Variants in OSBPL9 observed in about 807,000 individuals in gnomAD.
OSBPL9 encodes the protein oxysterol binding protein like 9, also known as oxysterol-binding protein-related protein 9.
Under a neutral mutation model 106.6 loss-of-function variants are expected in OSBPL9, and 40 were observed. The ratio of observed to expected loss-of-function variants is 0.38; its 90% CI spans 0.29 to 0.49. The LOEUF (loss-of-function observed/expected upper bound fraction) is 0.49, where lower values mean the gene tolerates loss of function less well. OSBPL9 is among the 20% of genes least tolerant of loss of function. OSBPL9 has a pLI of 0.97. For missense variants in OSBPL9, 609 were observed against 887.2 expected (o/e 0.69, Z 3.98); for synonymous variants, 269 against 295.4 (o/e 0.91, Z 0.92).
the OSBPL9 span, chr1:51,519,096 A>C: frequency 1.3e-6 from 1 of 768,212 alleles, no homozygotes; most frequent in Non-Finnish European, 1.9e-6. Flanking sequence ...ACAAGCCAAG[A>C]AGCTGCCTGC....
At chr1:51,775,603 CATTTATTT>C (rs564959096) in intron 14 of OSBPL9, among the ~76,000 whole-genome samples, 2 of 151,920 alleles carry the variant, frequency 1.3e-5, no homozygotes, top group East Asian at 1.9e-4. Flanking sequence ...AGCTTGCTTG[CATTTATTT>C]ATTTATTTAT....
intron 12 of OSBPL9, 66 bp from the exon 13 acceptor site, chr1:51,772,004 A>G (rs530162705): frequency 2.5e-4 from 297 of 1,174,408 alleles, no homozygotes; most frequent in Non-Finnish European, 3.5e-4. Flanking sequence ...TAACTGTACG[A>G]GTCTAGCTTA....
rs1012484479 is a variant in OSBPL9 at position 51,782,721 on chromosome 1, T to C, written c.1513+78T>C. On this transcript the variant is annotated intron_variant, in intron 17 of 23. Transcript: ENST00000428468. The stretch of plus-strand genomic sequence containing the variant: ...AGAGGGTCATTAAAAGCGCCATAGC[T>C]GAGGGTACTGTCAGTTGTGTGACTA... 5 of 1,262,416 alleles carry C rather than the reference T, an allele frequency of 4.0e-6. No homozygotes were observed. In the African/African-American group the frequency reaches 5.9e-5, roughly 15 times the overall value. The allele number at this position is 1,262,416 out of a possible 1,614,324, so 78.2% of individuals were successfully genotyped here. A position where few individuals can be genotyped will look rare whatever the true frequency, so the allele number is the denominator to read the frequency against.
intron 1 of OSBPL9, among the ~76,000 whole-genome samples, chr1:51,620,187 A>G (rs549084789): frequency 1.3e-5 from 2 of 152,348 alleles, no homozygotes; most frequent in African/African-American, 4.8e-5. Flanking sequence ...TAGGAACACT[A>G]TGTGAGCAAC....
chr1:51,728,445 G>T (rs936699518), intron 4 of OSBPL9, among the ~76,000 whole-genome samples: 4 of 152,162 alleles, frequency 2.6e-5, no homozygotes, highest in African/African-American at 9.7e-5. Flanking sequence ...ACAGAACTTG[G>T]TGATGCACTG....
At chr1:51,578,426 TATC>T (rs1462455017) in intron 1 of OSBPL9, among the ~76,000 whole-genome samples, 1 of 152,220 alleles carries the variant, frequency 6.6e-6, no homozygotes, top group Admixed American at 6.5e-5. Flanking sequence ...AGGAGAATAA[TATC>T]ATATGATTAA....
At chr1:51,613,599 G>A (rs1177240199), upstream of OSBPL9, among the ~76,000 whole-genome samples, 4 of 152,022 alleles carry the variant, frequency 2.6e-5, no homozygotes, top group Admixed American at 2.6e-4. Context: ...AATAAATGGT[G>A]GAATTAATAA....
At chr1:51,609,596 A>C (rs943868617) in intron 2 of OSBPL9, among the ~76,000 whole-genome samples, 8 of 148,330 alleles carry the variant, frequency 5.4e-5, no homozygotes, top group Non-Finnish European at 1.0e-4. Context: ...CTCCTGCCTC[A>C]TGCCTCAACC....
At chr1:51,621,028 TATTATAGAAA>T (rs1644395132) in intron 1 of OSBPL9, among the ~76,000 whole-genome samples, 1 of 152,138 alleles carries the variant, frequency 6.6e-6, no homozygotes, top group African/African-American at 2.4e-5. Context: ...GTGCCCAGCC[TATTATAGAAA>T]ATTTTTAACA....
At chr1:51,694,065 C>T (rs1389685970) in intron 3 of OSBPL9, among the ~76,000 whole-genome samples, 1 of 152,156 alleles carries the variant, frequency 6.6e-6, no homozygotes, top group East Asian at 1.9e-4. Flanking sequence ...AGTTCCCAGA[C>T]TTTTTGGTCT....
At chr1:51,549,265 CT>C in the OSBPL9 span, among the ~76,000 whole-genome samples, 4 of 152,168 alleles carry the variant, frequency 2.6e-5, no homozygotes, top group Non-Finnish European at 5.9e-5. Flanking sequence ...CTTGTGCATT[CT>C]TTTTTGTTTT....
At chr1:51,532,551 G>A in the OSBPL9 span, among the ~76,000 whole-genome samples, 5 of 152,228 alleles carry the variant, frequency 3.3e-5, no homozygotes, top group Admixed American at 3.3e-4. Flanking sequence ...AATGTAGTAT[G>A]ATTCCCAGGT....
At chr1:51,574,111 A>C (rs1452085459), upstream of OSBPL9, 1 of 152,208 alleles carries the variant, frequency 6.6e-6, no homozygotes, top group Non-Finnish European at 1.5e-5. Context: ...AATACTGACC[A>C]AGACTTACAG....
the OSBPL9 span, among the ~76,000 whole-genome samples, chr1:51,556,503 A>G: frequency 6.6e-6 from 1 of 152,066 alleles, no homozygotes; most frequent in East Asian, 1.9e-4. Flanking sequence ...GTAGGGTGCT[A>G]TGAGTAGTGG....
chr1:51,733,666 T>C lies in OSBPL9; in HGVS notation c.319-11870T>C, dbSNP rs1288954329. Among the ~76,000 whole-genome samples, 5 of 152,004 alleles carry C rather than the reference T, an allele frequency of 3.3e-5. No homozygotes were observed. The East Asian group carries it at 9.6e-4, about 29-fold the overall frequency. ...GGTGGGCATCTGTAAGCCCAGCCAC[T>C]TGGGGGGCTGAGGCAGGAGAATTGC... On this transcript the variant is annotated intron_variant, in intron 4 of 23. Coordinates refer to ENST00000428468, the MANE Select transcript of OSBPL9 (RefSeq NM_024586.6).
At chr1:51,658,812 C>A (rs1449900223) in intron 2 of OSBPL9, among the ~76,000 whole-genome samples, 1 of 151,912 alleles carries the variant, frequency 6.6e-6, no homozygotes, top group East Asian at 1.9e-4. Context: ...GAATGTCTTC[C>A]TTTTTCCCTT....
At chr1:51,546,928 G>A in the OSBPL9 span, among the ~76,000 whole-genome samples, 1 of 152,144 alleles carries the variant, frequency 6.6e-6, no homozygotes, top group Non-Finnish European at 1.5e-5. Context: ...GATGCCCAAA[G>A]TACCACAGAA....
At chr1:51,535,505 T>G in the OSBPL9 span, among the ~76,000 whole-genome samples, 1 of 152,176 alleles carries the variant, frequency 6.6e-6, no homozygotes, top group Non-Finnish European at 1.5e-5. Context: ...TAAAGAGTTA[T>G]CTCCATACTG....
chr1:51,635,432 A>T (rs1011726039), intron 1 of OSBPL9, among the ~76,000 whole-genome samples: 1 of 152,202 alleles, frequency 6.6e-6, no homozygotes, highest in African/African-American at 2.4e-5. Flanking sequence ...ACCTCTGCAG[A>T]TACAAGTCTC....
Sources: allele counts gnomAD v4.1 joint callset (sites outside exome capture counted in the v4.1 genomes callset), GRCh38; gene constraint gnomAD v4.1.1; transcripts MANE v1.5; gene names NCBI Gene and HGNC (gene_info 2026-07-23, HGNC 2026-07-21).